The following ATP6V1E1 variants were observed in gnomAD, a reference collection of about 807,000 sequenced individuals.
The protein encoded by ATP6V1E1 is ATPase H+ transporting V1 subunit E1.
ATP6V1E1 carries 21 observed loss-of-function variants against 35.2 expected under a neutral mutation model. That is an observed-to-expected ratio of 0.60 (90% CI 0.42 to 0.86). The LOEUF (loss-of-function observed/expected upper bound fraction) is 0.86, where lower values mean the gene tolerates loss of function less well. Ranked by LOEUF, ATP6V1E1 falls within the 40% of genes least tolerant of loss-of-function variation. ATP6V1E1 has a pLI of 0.00. For synonymous variants in ATP6V1E1, 83 were observed against 87.8 expected (o/e 0.95, Z 0.30); for missense variants, 183 against 272.6 (o/e 0.67, Z 2.32).
intron 4 of ATP6V1E1, among the ~76,000 whole-genome samples, chr22:17,609,462 CTCTTT>C (rs1569206797): frequency 8.9e-6 from 1 of 111,934 alleles, no homozygotes; most frequent in African/African-American, 3.8e-5. Flanking sequence ...GCCCATCCTG[CTCTTT>C]TTTTTTTTTT....
chr22:17,593,983 AC>A (rs1263887726), intron 8 of ATP6V1E1, among the ~76,000 whole-genome samples: 1 of 152,184 alleles, frequency 6.6e-6, no homozygotes, highest in African/African-American at 2.4e-5. Context: ...CGGGTGGATC[AC>A]CTGAGGTCAG....
At chr22:17,605,320 C>T (rs912188038) in intron 4 of ATP6V1E1, among the ~76,000 whole-genome samples, 1 of 151,832 alleles carries the variant, frequency 6.6e-6, no homozygotes, top group Non-Finnish European at 1.5e-5. Context: ...CACCTGAGGT[C>T]GGGAGTTTGA....
rs2057939604 is a variant in ATP6V1E1 at position 17,628,639 on chromosome 22, G to A, written c.-4C>T. On this transcript the variant is annotated 5_prime_UTR_variant, in exon 1 of 9. Coordinates refer to ENST00000253413, the MANE Select transcript of ATP6V1E1 (RefSeq NM_001696.4). Reference sequence around the variant, plus strand: ...CGTCAGCATCGCTGAGAGCCATGGCGAGAGCAATGCTAGGCCGGTGAACAG... The same window carrying A: ...CGTCAGCATCGCTGAGAGCCATGGCAAGAGCAATGCTAGGCCGGTGAACAG... 3.1e-6 allele frequency: 5 copies of A among 1,614,184 alleles called. No homozygotes were observed. Among genetic ancestry groups the A allele is most frequent in the Non-Finnish European group, 2.5e-6 (3 of 1,180,044 alleles).
chr22:17,592,837 C>T (rs932942875), intron 8 of ATP6V1E1, 101 bp from the exon 9 acceptor site: 20 of 1,104,208 alleles, frequency 1.8e-5, no homozygotes, highest in Admixed American at 1.6e-4. Flanking sequence ...GAGTCTCGCT[C>T]TGTCGCCCAG....
At chr22:17,598,355 A>G (rs1028677196) in intron 6 of ATP6V1E1, 67 bp from the exon 7 acceptor site, 3 of 1,254,192 alleles carry the variant, frequency 2.4e-6, no homozygotes, top group Non-Finnish European at 3.5e-6. Context: ...AAAACTCAAC[A>G]GACTATACAA....
chr22:17,595,394 C>G (rs998999473), intron 7 of ATP6V1E1: 1 of 152,142 alleles, frequency 6.6e-6, no homozygotes, highest in African/African-American at 2.4e-5. Context: ...ATTATCACAG[C>G]CAGCCCTCCC....
chr22:17,610,773 A>G (rs1166422356), intron 4 of ATP6V1E1, among the ~76,000 whole-genome samples: 2 of 152,110 alleles, frequency 1.3e-5, no homozygotes, highest in African/African-American at 4.8e-5. Flanking sequence ...GGGCATTAGC[A>G]CCCAATAAGC....
rs975451202 is a variant in ATP6V1E1, at chr22:17,620,299, C to G, written c.34-773G>C. Among the ~76,000 whole-genome samples the G allele has an allele frequency of 2.0e-5, 3 of 152,062 alleles. No individual in the cohort carries two copies. The South Asian group carries it at 6.2e-4, about 32-fold the overall frequency. ...AGTAGCTGGGACTACAGGCGCCCGC[C>G]ACCATGCCTGGCTAATTTTTTGTAT... On this transcript the variant is annotated intron_variant, in intron 1 of 8. Transcript: ENST00000253413.
intron 1 of ATP6V1E1, 144 bp downstream of exon 1, chr22:17,628,459 G>A: frequency 1.2e-5 from 14 of 1,158,330 alleles, no homozygotes; most frequent in Non-Finnish European, 1.8e-5. Context: ...TCCTCAGGCC[G>A]ACCTCTTGGA....
At chr22:17,626,256 G>A (rs959703822) in intron 1 of ATP6V1E1, among the ~76,000 whole-genome samples, 21 of 141,908 alleles carry the variant, frequency 1.5e-4, no homozygotes, top group Admixed American at 9.6e-4. Context: ...TGCAGTGAGC[G>A]GAGACCATGC....
rs2057864919 is a variant in ATP6V1E1 at position 17,619,618 on chromosome 22, G to C, written c.34-92C>G. 4 of 1,105,276 alleles carry C rather than the reference G, an allele frequency of 3.6e-6. No individual in the cohort carries two copies. The Admixed American group carries it at 1.0e-4, about 28-fold the overall frequency. 68.5% of individuals were successfully genotyped at this position (1,105,276 alleles called of 1,614,324 possible). ...CAAGTAATCATAGGTAGGTGCAGTG[G>C]CTCACGCCCGTAATCCTACCACTCT... On this transcript the variant is annotated intron_variant, in intron 1 of 8. Coordinates refer to ENST00000253413, the MANE Select transcript of ATP6V1E1 (RefSeq NM_001696.4).
intron 4 of ATP6V1E1, among the ~76,000 whole-genome samples, chr22:17,601,498 G>A (rs537176296): frequency 6.6e-6 from 1 of 152,222 alleles, no homozygotes; most frequent in Non-Finnish European, 1.5e-5. Flanking sequence ...GCTATTAAAC[G>A]GTTATACAAG....
chr22:17,610,820 G>A (rs2057811793), intron 4 of ATP6V1E1, among the ~76,000 whole-genome samples: 1 of 152,164 alleles, frequency 6.6e-6, no homozygotes, highest in South Asian at 2.1e-4. Flanking sequence ...ATTATTAGAA[G>A]GAAGGGTTAT....
At chr22:17,598,002 G>T (rs557754311) in intron 7 of ATP6V1E1, 192 bp downstream of exon 7, 5 of 562,530 alleles carry the variant, frequency 8.9e-6, no homozygotes, top group South Asian at 6.7e-5. Flanking sequence ...AGTATATTTA[G>T]CCAGCCAACA....
intron 2 of ATP6V1E1, among the ~76,000 whole-genome samples, chr22:17,616,062 C>CAAACAAAA (rs1555861685): frequency 5.1e-4 from 69 of 134,078 alleles, no homozygotes; most frequent in African/African-American, 1.7e-3. Flanking sequence ...AACAAACAAA[C>CAAACAAAA]AAAAGCCGGG....
chr22:17,608,174 T>A (rs2057795735), intron 4 of ATP6V1E1, among the ~76,000 whole-genome samples: 1 of 152,170 alleles, frequency 6.6e-6, no homozygotes. Context: ...ATGGGATAAA[T>A]GTACTGTTAA....
At chr22:17,609,720 C>T (rs1354311379) in intron 4 of ATP6V1E1, among the ~76,000 whole-genome samples, 4 of 151,962 alleles carry the variant, frequency 2.6e-5, no homozygotes, top group East Asian at 3.9e-4. Flanking sequence ...CCGCCCGCCT[C>T]GGCCTCCCAA....
Position 17,628,740 on chromosome 22 carries a change from T to C in ATP6V1E1, c.-105A>G, listed in dbSNP as rs372573223. The C allele has an allele frequency of 3.3e-6, 5 of 1,502,212 alleles. No homozygotes were observed. The African/African-American group carries it at 4.2e-5, about 13-fold the overall frequency. The allele number at this position is 1,502,212 out of a possible 1,614,324, so 93.1% of individuals were successfully genotyped here. On this transcript the variant is annotated 5_prime_UTR_variant, in exon 1 of 9. Coordinates refer to ENST00000253413, the MANE Select transcript of ATP6V1E1 (RefSeq NM_001696.4). ...AACCCCTGCGCAGATCTCGGGTTCC[T>C]TTACTTTATAACCGCGGGTTCCGGT...
Position 17,601,078 on chromosome 22 carries a change from G to T in ATP6V1E1, c.366+14C>A, listed in dbSNP as rs780952475. 3 of 1,608,002 alleles carry T rather than the reference G, an allele frequency of 1.9e-6. No individual in the cohort carries two copies. The highest frequency in any genetic ancestry group is 1.7e-6 in the Non-Finnish European group (2 of 1,176,076). On this transcript the variant is annotated intron_variant, in intron 5 of 8. Coordinates refer to ENST00000253413, the MANE Select transcript of ATP6V1E1 (RefSeq NM_001696.4). Reference sequence around the variant, plus strand: ...ACTGTGGCTATCAACAGTAGATCTGGTCTATGAGGGTACCTGGAGAACCAG... The same window carrying T: ...ACTGTGGCTATCAACAGTAGATCTGTTCTATGAGGGTACCTGGAGAACCAG...
Sources: allele counts gnomAD v4.1 joint callset (sites outside exome capture counted in the v4.1 genomes callset), GRCh38; gene constraint gnomAD v4.1.1; transcripts MANE v1.5; gene names NCBI Gene and HGNC (gene_info 2026-07-23, HGNC 2026-07-21).